The following GAB2 variants were observed in gnomAD, a reference collection of about 807,000 sequenced individuals.
The protein encoded by GAB2 is GRB2 associated binding protein 2, also known as GRB2-associated-binding protein 2.
In GAB2, 26 loss-of-function variants were observed where a neutral mutation model predicts 65.5. That is an observed-to-expected ratio of 0.40 (90% confidence interval 0.29 to 0.55). The LOEUF is 0.55. Ranked by LOEUF, GAB2 falls within the 20% of genes least tolerant of loss-of-function variation. GAB2 has a pLI of 0.53. For synonymous variants in GAB2, 321 were observed against 329.6 expected (o/e 0.97, Z 0.28); for missense variants, 884 against 875.8 (o/e 1.01, Z -0.12).
chr11:78,378,011 G>GT (rs1856653042), intron 1 of GAB2, among the ~76,000 whole-genome samples: 1 of 152,136 alleles, frequency 6.6e-6, no homozygotes, highest in Admixed American at 6.5e-5. Context: ...CACCTACCAC[G>GT]TGAGTGTCAG....
At chr11:78,409,242 TA>T (rs1198427917) in intron 1 of GAB2, among the ~76,000 whole-genome samples, 2 of 151,970 alleles carry the variant, frequency 1.3e-5, no homozygotes, top group Non-Finnish European at 2.9e-5. Flanking sequence ...TATATAAAGA[TA>T]AAAGGGTCAT....
intron 4 of GAB2, 48 bp from the exon 5 acceptor site, chr11:78,225,250 T>C: frequency 1.6e-6 from 2 of 1,266,848 alleles, no homozygotes; most frequent in East Asian, 2.3e-5. Context: ...GATTCATGTG[T>C]TGACACTTAC....
At position 78,280,622 on chromosome 11, in the gene GAB2, T is replaced by G; in HGVS notation, c.355A>C (p.Asn119His). 1 of 1,614,018 alleles carries G rather than the reference T, an allele frequency of 6.2e-7. No individual in the cohort carries two copies. Among genetic ancestry groups the G allele is most frequent in the South Asian group, 1.1e-5 (1 of 91,080 alleles). Reference protein sequence around the residue: ...VQSICQICGFNQAEESTDSLR... With the variant: ...VQSICQICGFHQAEESTDSLR... ...ATACCTGTGCTCTCCTCAGCCTGAT[T>G]GAAGCCACAGATCTGGCAGATGCTC... Residue 119 changes from asparagine (N) to histidine (H), a missense_variant, in exon 2 of 10, where the codon AAT (asparagine) becomes CAT (histidine). Transcript: ENST00000361507.
At chr11:78,222,676 G>A (rs1281426937) in intron 6 of GAB2, among the ~76,000 whole-genome samples, 1 of 152,002 alleles carries the variant, frequency 6.6e-6, no homozygotes, top group African/African-American at 2.4e-5. Flanking sequence ...TCTGCCTCCT[G>A]AGTTCAAGTG....
chr11:78,238,662 GA>G (rs1188206577), intron 3 of GAB2, among the ~76,000 whole-genome samples: 4 of 151,954 alleles, frequency 2.6e-5, no homozygotes, highest in Admixed American at 2.0e-4. Flanking sequence ...CTAAATGTAA[GA>G]GCTACAACTA....
intron 1 of GAB2, among the ~76,000 whole-genome samples, chr11:78,314,617 C>T (rs1565155836): frequency 1.3e-5 from 2 of 152,170 alleles, no homozygotes; most frequent in South Asian, 4.1e-4. Context: ...ACATGTTATA[C>T]AGAATATTAA....
At chr11:78,325,511 C>T (rs1855806139) in intron 1 of GAB2, among the ~76,000 whole-genome samples, 1 of 152,146 alleles carries the variant, frequency 6.6e-6, no homozygotes, top group South Asian at 2.1e-4. Flanking sequence ...TATTGAACAA[C>T]ACCGGAATGA....
chr11:78,321,756 T>G (rs185956278), intron 1 of GAB2, among the ~76,000 whole-genome samples: 1 of 152,086 alleles, frequency 6.6e-6, no homozygotes, highest in Non-Finnish European at 1.5e-5. Context: ...TAAAAGGCTA[T>G]TGTAACCAAC....
At chr11:78,414,576 G>A (rs545480829) in intron 1 of GAB2, among the ~76,000 whole-genome samples, 5 of 152,162 alleles carry the variant, frequency 3.3e-5, no homozygotes, top group South Asian at 2.1e-4. Context: ...TTGCATGCAC[G>A]CGCATACACA....
At chr11:78,349,320 G>A (rs12275173) in intron 1 of GAB2, among the ~76,000 whole-genome samples, 2,625 of 152,094 alleles carry the variant, frequency 0.017, 87 homozygotes, top group African/African-American at 0.061. Context: ...GAAAATGAGT[G>A]GTATTGCAAA....
rs1270035082 is a variant in GAB2, at chr11:78,306,552, A to G, written c.76-25651T>C. Among the ~76,000 whole-genome samples, 3 of 152,222 alleles carry G rather than the reference A, an allele frequency of 2.0e-5. No individual in the cohort carries two copies. In the East Asian group the frequency reaches 5.8e-4, roughly 29 times the overall value. Reference sequence around the variant, plus strand: ...CGGCCCCTATATACTTTCTTAAGCTATCAATATAGTCATTCAGATCATAAG... The same window carrying G: ...CGGCCCCTATATACTTTCTTAAGCTGTCAATATAGTCATTCAGATCATAAG... On this transcript the variant is annotated intron_variant, in intron 1 of 9. Coordinates refer to ENST00000361507, the MANE Select transcript of GAB2 (RefSeq NM_080491.3).
intron 1 of GAB2, among the ~76,000 whole-genome samples, chr11:78,366,792 G>T (rs575423512): frequency 1.3e-5 from 2 of 149,124 alleles, no homozygotes; most frequent in South Asian, 4.2e-4. Flanking sequence ...TGTAATTGGG[G>T]ATAGGGCTTG....
chr11:78,305,193 T>C (rs1855330400), intron 1 of GAB2, among the ~76,000 whole-genome samples: 2 of 152,106 alleles, frequency 1.3e-5, no homozygotes, highest in Non-Finnish European at 2.9e-5. Context: ...GGAGCAGTGG[T>C]TGAGAAAATG....
intron 1 of GAB2, among the ~76,000 whole-genome samples, chr11:78,334,155 C>T (rs1855961269): frequency 6.6e-6 from 1 of 152,114 alleles, no homozygotes; most frequent in East Asian, 1.9e-4. Flanking sequence ...AGTAGGTATA[C>T]ATGAGATGTT....
intron 1 of GAB2, among the ~76,000 whole-genome samples, chr11:78,322,648 G>A (rs950762033): frequency 3.9e-5 from 6 of 151,908 alleles, no homozygotes; most frequent in African/African-American, 4.8e-5. Context: ...GTGGGCAAAG[G>A]ACATGAACAG....
intron 2 of GAB2, among the ~76,000 whole-genome samples, chr11:78,258,701 G>T (rs1865659395): frequency 6.6e-6 from 1 of 151,694 alleles, no homozygotes. Flanking sequence ...GGGCTCAGGT[G>T]ATTCTCCCAC....
At chr11:78,392,654 T>TG (rs963158713) in intron 1 of GAB2, among the ~76,000 whole-genome samples, 7 of 152,104 alleles carry the variant, frequency 4.6e-5, no homozygotes, top group African/African-American at 1.7e-4. Context: ...GTAATGAAGA[T>TG]GGGGGTACTG....
In GAB2 at chr11:78,242,413, A is replaced by G. The variant is rs1231423053; in HGVS notation, c.620+7744T>C. On this transcript the variant is annotated intron_variant, in intron 3 of 9. Coordinates refer to ENST00000361507, the MANE Select transcript of GAB2 (RefSeq NM_080491.3). ...GCTACACAGGAGGTTGAGGCAGGAGAATGGTGTGAACCTGGGAGGCAGAGC... is the reference window on the plus strand; with the variant it reads ...GCTACACAGGAGGTTGAGGCAGGAGGATGGTGTGAACCTGGGAGGCAGAGC... Among the ~76,000 whole-genome samples, 13 of 152,234 alleles carry G rather than the reference A, an allele frequency of 8.5e-5. No homozygotes were observed. In the East Asian group the frequency reaches 2.5e-3, roughly 29 times the overall value.
At chr11:78,368,528 A>G (rs1856527254) in intron 1 of GAB2, among the ~76,000 whole-genome samples, 1 of 152,236 alleles carries the variant, frequency 6.6e-6, no homozygotes, top group Non-Finnish European at 1.5e-5. Context: ...TACTACACAA[A>G]TAGTCACAAT....
Sources: gnomAD v4.1 joint callset for allele counts (sites outside exome capture counted in the v4.1 genomes callset) on GRCh38, gnomAD v4.1.1 for gene constraint, MANE v1.5 for transcripts, NCBI Gene and HGNC (gene_info 2026-07-23, HGNC 2026-07-21) for gene names.